FLT1: variants seen among roughly 807,000 people sequenced by gnomAD.
FLT1 encodes vascular endothelial growth factor receptor 1.
FLT1 carries 49 observed loss-of-function variants against 156.3 expected under a neutral mutation model. The observed-to-expected ratio is 0.31, with a 90% confidence interval of 0.25 to 0.40. The LOEUF is 0.40. FLT1 is among the 10% of genes least tolerant of loss of function. The pLI, the probability that FLT1 is intolerant of heterozygous loss-of-function variation, is 1.00. For synonymous variants in FLT1, 594 were observed against 583.8 expected (o/e 1.02, Z -0.25); for missense variants, 1,322 against 1,637.2 (o/e 0.81, Z 3.32).
At chr13:28,372,042 G>A (rs1259009888) in intron 14 of FLT1, among the ~76,000 whole-genome samples, 1 of 13,158 alleles carries the variant, frequency 7.6e-5, no homozygotes, top group African/African-American at 1.7e-4. Context: ...GTGTGTGTGT[G>A]TGTGTGTATA....
intron 11 of FLT1, among the ~76,000 whole-genome samples, chr13:28,399,864 A>G (rs972773626): frequency 1.3e-5 from 2 of 152,164 alleles, no homozygotes; most frequent in Non-Finnish European, 2.9e-5. Flanking sequence ...GCGAACCTTT[A>G]TGTATGCCTT....
At chr13:28,309,071 G>A (rs1343960764) in intron 27 of FLT1, 144 bp from the exon 28 acceptor site, 16 of 650,986 alleles carry the variant, frequency 2.5e-5, no homozygotes, top group Admixed American at 6.4e-5. Flanking sequence ...CGATCTCCCC[G>A]CCGTGACCCC....
At chr13:28,489,564 G>C (rs1280636468) in intron 1 of FLT1, among the ~76,000 whole-genome samples, 2 of 152,194 alleles carry the variant, frequency 1.3e-5, no homozygotes, top group Admixed American at 6.5e-5. Context: ...AGCTCCCAGA[G>C]ATGGTGATTA....
intron 1 of FLT1, among the ~76,000 whole-genome samples, chr13:28,468,317 G>A (rs1359565879): frequency 1.3e-5 from 2 of 152,208 alleles, no homozygotes; most frequent in Non-Finnish European, 2.9e-5. Flanking sequence ...AAACATCTCG[G>A]AGGATTGTTG....
rs1877600046 is a variant in FLT1 at position 28,430,183 on chromosome 13, T to C, written c.989-16A>G. 2 of 1,535,624 alleles carry C rather than the reference T, an allele frequency of 1.3e-6. No individual in the cohort carries two copies. The highest frequency in any genetic ancestry group is 2.2e-5 in the East Asian group (1 of 44,490). ...AATGCTTTATCTTTGAAAGGAGAAG[T>C]GATACATACATTAGAAAAGAATAAT... On this transcript the variant is annotated splice_polypyrimidine_tract_variant and intron_variant, in intron 7 of 29. Transcript: ENST00000282397.
chr13:28,325,255 T>C (rs1871629084), intron 20 of FLT1, among the ~76,000 whole-genome samples: 1 of 152,138 alleles, frequency 6.6e-6, no homozygotes, highest in Admixed American at 6.5e-5. Context: ...CTGAAGCCAG[T>C]CCAAAATTTC....
chr13:28,393,001 T>A (rs1448624466), intron 12 of FLT1, among the ~76,000 whole-genome samples: 2 of 147,924 alleles, frequency 1.4e-5, no homozygotes. Flanking sequence ...TCATGTTGAC[T>A]TTTTTTTTTA....
chr13:28,489,801 C>T (rs575111269), intron 1 of FLT1, among the ~76,000 whole-genome samples: 6 of 152,268 alleles, frequency 3.9e-5, no homozygotes, highest in Non-Finnish European at 5.9e-5. Flanking sequence ...ATGTAAGCCA[C>T]AGCTGTTCAG....
chr13:28,355,459 A>G (rs986804383), intron 15 of FLT1, among the ~76,000 whole-genome samples: 1 of 152,238 alleles, frequency 6.6e-6, no homozygotes, highest in Non-Finnish European at 1.5e-5. Flanking sequence ...GAAGAGAAGC[A>G]TATCAACGCC....
chr13:28,481,008 A>G (rs1234663641), intron 1 of FLT1, among the ~76,000 whole-genome samples: 2 of 152,218 alleles, frequency 1.3e-5, no homozygotes, highest in Non-Finnish European at 2.9e-5. Context: ...AGCCAGTACC[A>G]CACATGACCC....
At chr13:28,481,602 T>C (rs1880857863) in intron 1 of FLT1, among the ~76,000 whole-genome samples, 1 of 152,222 alleles carries the variant, frequency 6.6e-6, no homozygotes, top group African/African-American at 2.4e-5. Context: ...TGAGTGACCA[T>C]TATGTGCCAG....
intron 3 of FLT1, among the ~76,000 whole-genome samples, chr13:28,464,228 C>A (rs995490975): frequency 6.6e-6 from 1 of 152,136 alleles, no homozygotes; most frequent in Non-Finnish European, 1.5e-5. Flanking sequence ...TTTCACAATC[C>A]TTCCTTATCC....
intron 1 of FLT1, among the ~76,000 whole-genome samples, chr13:28,487,737 G>A (rs1031412803): frequency 2.0e-5 from 3 of 152,040 alleles, no homozygotes; most frequent in Admixed American, 1.3e-4. Flanking sequence ...GATACTTACC[G>A]CTGCTGGTTT....
chr13:28,429,185 G>C (rs1433299978), intron 8 of FLT1, among the ~76,000 whole-genome samples: 1 of 152,096 alleles, frequency 6.6e-6, no homozygotes, highest in Non-Finnish European at 1.5e-5. Context: ...TGAAGACATA[G>C]CACAAAGTTA....
chr13:28,311,429 G>T lies in FLT1; in HGVS notation c.3635+161C>A, dbSNP rs571367630. ...GTTAACAGTTGAATTTAGGGGATGG[G>T]CATATGGGTGGTGATCAACATAATC... On this transcript the variant is annotated intron_variant, in intron 27 of 29. Coordinates refer to ENST00000282397, the MANE Select transcript of FLT1 (RefSeq NM_002019.4). Among the ~76,000 whole-genome samples, 5 of 152,306 alleles carry T rather than the reference G, an allele frequency of 3.3e-5. No individual in the cohort carries two copies. The East Asian group carries it at 7.7e-4, about 23-fold the overall frequency.
intron 1 of FLT1, among the ~76,000 whole-genome samples, chr13:28,493,928 G>A (rs1335159675): frequency 6.6e-6 from 1 of 152,234 alleles, no homozygotes; most frequent in Non-Finnish European, 1.5e-5. Flanking sequence ...CTCTTCGCTC[G>A]GATTTTAAAG....
At chr13:28,388,848 A>G (rs1593734608) in intron 13 of FLT1, 1 of 1,062,736 alleles carries the variant, frequency 9.4e-7, no homozygotes, top group Non-Finnish European at 1.1e-6. Flanking sequence ...TCCTTAAAAT[A>G]ATAACCAGAG....
intron 25 of FLT1, among the ~76,000 whole-genome samples, chr13:28,316,742 G>C (rs1871223299): frequency 6.6e-6 from 1 of 151,094 alleles, no homozygotes; most frequent in African/African-American, 2.4e-5. Context: ...AGGCTCAAGT[G>C]ATTCTCATGC....
rs780713077 is a variant in FLT1 at position 28,322,868 on chromosome 13, T to C, written c.2875A>G (p.Ser959Gly). ...LEQGKKPRLD[S>G]VTSSESFASS... ...GCAAAGCTTTCGCTGCTGGTGACGC[T>C]ATCTAGTCTTGGTTTCTTGCCTTGT... The change falls in exon 21 of 30, where the codon AGC becomes GGC. Residue 959 changes from serine to glycine, a missense_variant. Physicochemically the swap from Ser to Gly is moderately conservative, Grantham distance 56. Transcript: ENST00000282397. The surrounding 1 kb of genome is among the most constrained non-coding windows in gnomAD (Gnocchi z 4.3). The C allele has an allele frequency of 6.2e-7, 1 of 1,614,184 alleles. No individual in the cohort carries two copies. Among genetic ancestry groups the C allele is most frequent in the Non-Finnish European group, 8.5e-7 (1 of 1,180,024 alleles).
Sources: gnomAD v4.1 joint callset for allele counts (sites outside exome capture counted in the v4.1 genomes callset) on GRCh38, gnomAD v4.1.1 for gene constraint, Gnocchi (gnomAD v3.1) non-coding constraint, MANE v1.5 for transcripts, NCBI Gene and HGNC (gene_info 2026-07-23, HGNC 2026-07-21) for gene names.